TFEC: variants seen among roughly 807,000 people sequenced by gnomAD.
The protein encoded by TFEC is transcription factor EC.
Under a neutral mutation model 41.6 loss-of-function variants are expected in TFEC, and 31 were observed. The observed-to-expected ratio is 0.74, with a 90% CI of 0.56 to 1.01. The LOEUF (loss-of-function observed/expected upper bound fraction) is 1.01, where lower values mean the gene tolerates loss of function less well. Among genes scored for constraint, TFEC ranks in the 50% least tolerant of loss-of-function variants. The probability of loss-of-function intolerance (pLI) is 0.00; values close to 1 mark genes in which losing one functional copy is unlikely to be tolerated. For synonymous variants in TFEC, 143 were observed against 140.6 expected, an observed-to-expected ratio of 1.02 and a Z score of -0.12; for missense variants, 402 against 404.1, an observed-to-expected ratio of 0.99 and a Z score of 0.04.
At chr7:116,040,591 T>C (rs17302171) in intron 3 of TFEC, among the ~76,000 whole-genome samples, 1 of 152,108 alleles carries the variant, frequency 6.6e-6, no homozygotes, top group Non-Finnish European at 1.5e-5. Context: ...TCTCTCCAGG[T>C]TAATAATCTA....
At chr7:116,006,183 C>T (rs930894411) in intron 1 of TFEC, among the ~76,000 whole-genome samples, 5 of 152,212 alleles carry the variant, frequency 3.3e-5, no homozygotes, top group African/African-American at 1.2e-4. Flanking sequence ...CCCTACTGGA[C>T]CACTGCTTAG....
intron 3 of TFEC, among the ~76,000 whole-genome samples, chr7:116,045,067 C>T (rs1178522175): frequency 3.3e-5 from 5 of 152,100 alleles, no homozygotes; most frequent in African/African-American, 7.2e-5. Context: ...AATGTGGAAG[C>T]GACTTTGGAA....
Position 115,942,006 on chromosome 7 carries a change from C to T in TFEC, c.550G>A (p.Ala184Thr), listed in dbSNP as rs760831228. The T allele has an allele frequency of 1.9e-6, 3 of 1,612,782 alleles. No homozygotes were observed. Among genetic ancestry groups the T allele is most frequent in the Non-Finnish European group, 2.5e-6 (3 of 1,179,260 alleles). The change falls in exon 7 of 8, where the codon GCA (alanine) becomes ACA (threonine). Residue 184 changes from alanine (A) to threonine (T), a missense_variant. Coordinates refer to ENST00000265440, the MANE Select transcript of TFEC (RefSeq NM_012252.4). Reference sequence around the variant, plus strand: ...AGCCACTTGATGTACTCCACTGATGCTTTTAGAATGGTTCCTTTGTTCCAG... The same window carrying T: ...AGCCACTTGATGTACTCCACTGATGTTTTTAGAATGGTTCCTTTGTTCCAG... ...MRWNKGTILKASVEYIKWLQK... is the reference protein window; with the variant it reads ...MRWNKGTILKTSVEYIKWLQK...
chr7:115,950,967 T>G lies in TFEC; in HGVS notation c.440-18A>C, dbSNP rs1193931754. On this transcript the variant is annotated intron_variant, in intron 5 of 7. Coordinates refer to ENST00000265440, the MANE Select transcript of TFEC (RefSeq NM_012252.4). ...TCTTTCAACTATTAAAGAAGAAATA[T>G]TATTGATTATTCTCATTAATGCACA... The G allele has an allele frequency of 4.1e-6, 6 of 1,476,914 alleles. No individual in the cohort carries two copies. In the Admixed American group the frequency reaches 5.3e-5, roughly 13 times the overall value. 91.5% of individuals were successfully genotyped at this position (1,476,914 alleles called of 1,614,324 possible).
intron 3 of TFEC, among the ~76,000 whole-genome samples, chr7:116,053,991 T>A (rs1796373048): frequency 6.6e-6 from 1 of 152,188 alleles, no homozygotes; most frequent in African/African-American, 2.4e-5. Context: ...TTGTTGCAAT[T>A]TAATAGTAAA....
intron 3 of TFEC, among the ~76,000 whole-genome samples, chr7:116,049,863 C>G (rs1392853409): frequency 6.6e-6 from 1 of 152,122 alleles, no homozygotes; most frequent in East Asian, 1.9e-4. Flanking sequence ...ACTGAACAAC[C>G]TGCTCCTGAA....
At chr7:115,987,832 T>C (rs1793925891) in intron 1 of TFEC, among the ~76,000 whole-genome samples, 1 of 152,060 alleles carries the variant, frequency 6.6e-6, no homozygotes, top group Non-Finnish European at 1.5e-5. Context: ...AATGAGTCAT[T>C]AGAGTAAATC....
At chr7:116,081,283 T>C (rs547630247) in intron 3 of TFEC, among the ~76,000 whole-genome samples, 22 of 151,644 alleles carry the variant, frequency 1.5e-4, no homozygotes, top group African/African-American at 5.3e-4. Context: ...GCTAGGGTGA[T>C]GGGTGCACCA....
At position 115,938,824 on chromosome 7, in the gene TFEC, T is replaced by A. The variant is rs779892689; in HGVS notation, c.*1727A>T. The stretch of plus-strand genomic sequence containing the variant: ...AGATTTGTTTCTATTATATTAATAC[T>A]ATATTATTTCACCATAGTTTTCTAA... On this transcript the variant is annotated 3_prime_UTR_variant, in exon 8 of 8. Coordinates refer to ENST00000265440, the MANE Select transcript of TFEC (RefSeq NM_012252.4). The A allele has an allele frequency of 1.3e-5, 2 of 151,956 alleles. No homozygotes were observed. The highest frequency in any genetic ancestry group is 4.8e-5 in the African/African-American group (2 of 41,434). The allele number at this position is 151,956 out of a possible 1,614,324, so 9.4% of individuals were successfully genotyped here. A position where few individuals can be genotyped will look rare whatever the true frequency, so the allele number is the denominator to read the frequency against.
chr7:116,055,847 T>C (rs1441560607), intron 3 of TFEC, among the ~76,000 whole-genome samples: 1 of 152,118 alleles, frequency 6.6e-6, no homozygotes, highest in East Asian at 1.9e-4. Flanking sequence ...ATTGTTTCTG[T>C]GTTCTTTTTA....
At chr7:115,959,970 ATAG>A (rs1227875505) in intron 3 of TFEC, among the ~76,000 whole-genome samples, 5 of 151,594 alleles carry the variant, frequency 3.3e-5, no homozygotes, top group Admixed American at 6.6e-5. Context: ...TTAAGAATTA[ATAG>A]TAATCAATGG....
chr7:115,995,231 A>C (rs891212538), intron 1 of TFEC, among the ~76,000 whole-genome samples: 1 of 151,168 alleles, frequency 6.6e-6, no homozygotes, highest in African/African-American at 2.4e-5. Flanking sequence ...GCATTAGGAG[A>C]TATACCTAAT....
At chr7:116,029,038 C>A (rs570354855) in intron 1 of TFEC, among the ~76,000 whole-genome samples, 1 of 151,972 alleles carries the variant, frequency 6.6e-6, no homozygotes, top group Non-Finnish European at 1.5e-5. Context: ...AACCTTATGC[C>A]GCAGTCGTTA....
chr7:115,994,600 C>A (rs139701021), intron 1 of TFEC, among the ~76,000 whole-genome samples: 4,015 of 151,172 alleles, frequency 0.027, 69 homozygotes, highest in Non-Finnish European at 0.038. Context: ...ACAGCAGACT[C>A]ATCATCACTG....
rs58133266 is a variant in TFEC at position 116,153,752 on chromosome 7, T to A, written c.-69+6038A>T. Among the ~76,000 whole-genome samples, 458 of 152,166 alleles carry A rather than the reference T, an allele frequency of 3.0e-3. 4 individuals are homozygous for A. Among genetic ancestry groups the A allele is most frequent in the African/African-American group, 0.011 (443 of 41,518 alleles). On this transcript the variant is annotated intron_variant, in intron 1 of 8. Transcript: ENST00000484212. ...AAAATTTTAAACCACTAGGTAAGAT[T>A]GGAATGAATTGGACACTGCATAAAA...
chr7:116,155,046 C>T (rs1798839776), intron 1 of TFEC, among the ~76,000 whole-genome samples: 1 of 152,192 alleles, frequency 6.6e-6, no homozygotes, highest in Non-Finnish European at 1.5e-5. Flanking sequence ...CTCTGAGTTA[C>T]CTCATTTTCA....
chr7:116,139,101 T>A (rs1255488241), intron 1 of TFEC, among the ~76,000 whole-genome samples: 1 of 152,154 alleles, frequency 6.6e-6, no homozygotes, highest in African/African-American at 2.4e-5. Flanking sequence ...AAGAATCTAC[T>A]CTTCTAAAGC....
chr7:116,087,480 C>CTTTACT (rs1797228216), intron 3 of TFEC, among the ~76,000 whole-genome samples: 1 of 151,964 alleles, frequency 6.6e-6, no homozygotes, highest in African/African-American at 2.4e-5. Flanking sequence ...AATAGACAAC[C>CTTTACT]ACTGTTTCAT....
intron 1 of TFEC, among the ~76,000 whole-genome samples, chr7:116,017,045 C>T (rs960755000): frequency 1.3e-5 from 2 of 152,154 alleles, no homozygotes; most frequent in Non-Finnish European, 2.9e-5. Context: ...CTTGCCTCTG[C>T]TACCAGAGCT....
Sources: allele counts gnomAD v4.1 joint callset (sites outside exome capture counted in the v4.1 genomes callset), GRCh38; gene constraint gnomAD v4.1.1; transcripts MANE v1.5; gene names NCBI Gene and HGNC (gene_info 2026-07-23, HGNC 2026-07-21).